The following NEDD4L variants were observed in gnomAD, a reference collection of about 807,000 sequenced individuals.
The protein encoded by NEDD4L is NEDD4 like E3 ubiquitin protein ligase.
NEDD4L carries 54 observed loss-of-function variants against 148.9 expected under a neutral mutation model. The observed-to-expected ratio is 0.36, with a 90% confidence interval of 0.29 to 0.45. NEDD4L has a LOEUF of 0.45. Ranked by LOEUF, NEDD4L falls within the 20% of genes least tolerant of loss-of-function variation. The probability of loss-of-function intolerance (pLI) is 1.00; values close to 1 mark genes in which losing one functional copy is unlikely to be tolerated. For missense variants in NEDD4L, 856 were observed against 1,233.8 expected, an observed-to-expected ratio of 0.69 and a Z score of 4.59; for synonymous variants, 433 against 440.7, an observed-to-expected ratio of 0.98 and a Z score of 0.22.
chr18:58,104,758 C>G (rs2084965332), intron 1 of NEDD4L, among the ~76,000 whole-genome samples: 1 of 152,130 alleles, frequency 6.6e-6, no homozygotes, highest in Non-Finnish European at 1.5e-5. Flanking sequence ...CTTTTCATCA[C>G]TAACATTGTT....
At chr18:58,080,528 T>C (rs1168189693) in intron 1 of NEDD4L, among the ~76,000 whole-genome samples, 1 of 152,184 alleles carries the variant, frequency 6.6e-6, no homozygotes, top group African/African-American at 2.4e-5. Context: ...ATGTGGATCA[T>C]TTGTTGGAAG....
Position 58,183,625 on chromosome 18 carries a change from A to G in NEDD4L, c.122+17764A>G, listed in dbSNP as rs1352023670. ...ATCTTACCGAGTTGATTGAGTATTCACTTCGAAGCTCCATGCTGCACGCAT... is the reference window on the plus strand; with the variant it reads ...ATCTTACCGAGTTGATTGAGTATTCGCTTCGAAGCTCCATGCTGCACGCAT... On this transcript the variant is annotated intron_variant, in intron 2 of 30. Transcript: ENST00000400345. 3.9e-5 allele frequency among the ~76,000 whole-genome samples: 6 copies of G among 152,138 alleles called. No homozygotes were observed. In the East Asian group the frequency reaches 9.6e-4, roughly 24 times the overall value.
intron 5 of NEDD4L, among the ~76,000 whole-genome samples, chr18:58,284,456 T>G (rs1032295951): frequency 1.3e-5 from 2 of 152,202 alleles, no homozygotes; most frequent in Non-Finnish European, 2.9e-5. Context: ...ATGAATAATC[T>G]GTCTTTATTA....
intron 1 of NEDD4L, among the ~76,000 whole-genome samples, chr18:58,127,094 C>T (rs2031254170): frequency 6.6e-6 from 1 of 152,224 alleles, no homozygotes; most frequent in African/African-American, 2.4e-5. Flanking sequence ...TTGCTTTTCT[C>T]TGATAGCAAA....
chr18:58,102,489 G>A (rs1021996740), intron 1 of NEDD4L, among the ~76,000 whole-genome samples: 1 of 151,994 alleles, frequency 6.6e-6, no homozygotes, highest in Non-Finnish European at 1.5e-5. Context: ...CTCTCTCAGG[G>A]CCCACTCACA....
At chr18:58,052,129 A>T (rs1482270607) in intron 1 of NEDD4L, among the ~76,000 whole-genome samples, 1 of 152,238 alleles carries the variant, frequency 6.6e-6, no homozygotes, top group African/African-American at 2.4e-5. Flanking sequence ...CTTTCTAAAT[A>T]GTCCTAGTTC....
At chr18:58,079,425 C>T (rs543405919) in intron 1 of NEDD4L, among the ~76,000 whole-genome samples, 42 of 152,370 alleles carry the variant, frequency 2.8e-4, no homozygotes, top group African/African-American at 9.1e-4. Context: ...AGTGTACTTA[C>T]TGCCCCTGAG....
chr18:58,157,165 G>T (rs192657550), intron 1 of NEDD4L, among the ~76,000 whole-genome samples: 63 of 144,646 alleles, frequency 4.4e-4, no homozygotes, highest in African/African-American at 1.4e-3. Context: ...TCCAGCCGGG[G>T]CAACAGCTAG....
chr18:58,373,105 TAAA>T, intron 23 of NEDD4L, 66 bp from the exon 24 acceptor site: 3 of 809,834 alleles, frequency 3.7e-6, no homozygotes, highest in African/African-American at 1.7e-5. Flanking sequence ...AGAATGTAAT[TAAA>T]GAAGTCAAAT....
At chr18:58,234,055 T>C (rs185880641) in intron 2 of NEDD4L, among the ~76,000 whole-genome samples, 2 of 78,752 alleles carry the variant, frequency 2.5e-5, no homozygotes, top group African/African-American at 1.1e-4. Context: ...TTTTCTTTCT[T>C]TCTTTCTTTC....
At chr18:58,126,636 A>G (rs892970315) in intron 1 of NEDD4L, among the ~76,000 whole-genome samples, 2 of 152,150 alleles carry the variant, frequency 1.3e-5, no homozygotes, top group African/African-American at 4.8e-5. Context: ...TTAGGAATGG[A>G]ATAACCATGG....
In NEDD4L at chr18:58,251,368, A is replaced by T. The variant is rs991477167; in HGVS notation, c.244-633A>T. On this transcript the variant is annotated intron_variant, in intron 4 of 30. Transcript: ENST00000400345. Reference sequence around the variant, plus strand: ...TGGTGAAACCTCATCTCTACAAAAAAATACAAAAATTAGCCAGGCATGGTA... The same window carrying T: ...TGGTGAAACCTCATCTCTACAAAAATATACAAAAATTAGCCAGGCATGGTA... Among the ~76,000 whole-genome samples the T allele has an allele frequency of 4.6e-5, 7 of 152,270 alleles. No individual in the cohort carries two copies. In the East Asian group the frequency reaches 1.4e-3, roughly 29 times the overall value.
intron 2 of NEDD4L, among the ~76,000 whole-genome samples, chr18:58,173,789 G>A (rs1444678365): frequency 1.3e-5 from 2 of 152,156 alleles, no homozygotes; most frequent in African/African-American, 2.4e-5. Context: ...ATTGCCTAAT[G>A]GACTCTATTA....
At chr18:58,213,236 A>T (rs979416478) in intron 2 of NEDD4L, among the ~76,000 whole-genome samples, 2 of 152,170 alleles carry the variant, frequency 1.3e-5, no homozygotes, top group Non-Finnish European at 2.9e-5. Flanking sequence ...GTCCTCGGTT[A>T]TTTGTCTTTT....
chr18:58,357,168 T>C, intron 18 of NEDD4L, 26 bp from the exon 19 acceptor site: 1 of 1,405,718 alleles, frequency 7.1e-7, no homozygotes, highest in Admixed American at 2.1e-5. Flanking sequence ...GTTCTGATTT[T>C]TTTTTTTTTT....
Position 58,310,321 on chromosome 18 carries a change from T to C in NEDD4L, c.298-5661T>C, listed in dbSNP as rs79403574. 8.0e-3 allele frequency among the ~76,000 whole-genome samples: 1,219 copies of C among 152,322 alleles called. 12 individuals are homozygous for C. Among genetic ancestry groups the C allele is most frequent in the African/African-American group, 0.028 (1,176 of 41,558 alleles). On this transcript the variant is annotated intron_variant, in intron 5 of 30. Coordinates refer to ENST00000400345, the MANE Select transcript of NEDD4L (RefSeq NM_001144967.3). ...TAACTGAATGGCAGATTTTGTCCCT[T>C]ACTTCTTAAAAATTAAATGGCAGAG...
At chr18:58,328,474 A>G (rs1215378222) in intron 9 of NEDD4L, among the ~76,000 whole-genome samples, 1 of 152,250 alleles carries the variant, frequency 6.6e-6, no homozygotes, top group African/African-American at 2.4e-5. Context: ...GCTAGAAAGC[A>G]GCTGAAAAAA....
chr18:58,134,987 A>AT (rs1325959132), intron 1 of NEDD4L, among the ~76,000 whole-genome samples: 7 of 151,930 alleles, frequency 4.6e-5, no homozygotes, highest in East Asian at 3.9e-4. Flanking sequence ...AGGACATTAG[A>AT]TTTTCCTTAG....
At chr18:58,221,311 A>G (rs2043740660) in intron 2 of NEDD4L, among the ~76,000 whole-genome samples, 1 of 152,214 alleles carries the variant, frequency 6.6e-6, no homozygotes, top group Admixed American at 6.5e-5. Context: ...ACAAAACCTC[A>G]TGACCTCTGT....
Sources: allele counts gnomAD v4.1 joint callset (sites outside exome capture counted in the v4.1 genomes callset), GRCh38; gene constraint gnomAD v4.1.1; transcripts MANE v1.5; gene names NCBI Gene and HGNC (gene_info 2026-07-23, HGNC 2026-07-21).